SPON2: variants seen among roughly 807,000 people sequenced by gnomAD.
SPON2 encodes the protein spondin-2.
In SPON2, 32 loss-of-function variants were observed where a neutral mutation model predicts 29.9. That is an observed-to-expected ratio of 1.07 (90% CI 0.81 to 1.44). SPON2 has a LOEUF of 1.44. SPON2 is among the 40% of genes most tolerant of loss of function. The pLI is 0.00. For missense variants in SPON2, 541 were observed against 455.5 expected (o/e 1.19, Z -1.71); for synonymous variants, 248 against 209.1 (o/e 1.19, Z -1.61).
At chr4:1,179,145 T>G (rs79908299) in intron 2 of SPON2, among the ~76,000 whole-genome samples, 2,056 of 150,784 alleles carry the variant, frequency 0.014, 40 homozygotes, top group African/African-American at 0.046. Flanking sequence ...CTTCTCTGAC[T>G]TATTTAGCTG....
intron 1 of SPON2, among the ~76,000 whole-genome samples, chr4:1,192,240 C>T (rs560556103): frequency 5.3e-5 from 8 of 152,344 alleles, no homozygotes; most frequent in South Asian, 2.1e-4. Context: ...TCCCTTTCCT[C>T]GTGACCCACA....
chr4:1,199,196 C>A (rs79025626), upstream of SPON2: 1 of 151,916 alleles, frequency 6.6e-6, no homozygotes, highest in Non-Finnish European at 1.5e-5. The surrounding 1 kb of genome is among the most constrained non-coding windows in gnomAD (Gnocchi z 4.5). Context: ...ATCAGGAGTT[C>A]GAGACCAGCC....
chr4:1,167,537 TGGC>T lies in SPON2; in HGVS notation c.928_930del (p.Ala310del), dbSNP rs764960851. On this transcript the variant is annotated inframe_deletion, in exon 6 of 6. Transcript: ENST00000290902. The stretch of plus-strand genomic sequence containing the variant: ...AGCTCGGGGCAGGGGCTCCCGTTGT[TGGC>T]GGGCTGGACCCGGACGTAGCGAGTC... 3 of 1,613,760 alleles carry T rather than the reference TGGC, an allele frequency of 1.9e-6. No homozygotes were observed. The highest frequency in any genetic ancestry group is 2.5e-6 in the Non-Finnish European group (3 of 1,180,002).
chr4:1,201,214 CA>C (rs373942590), intron 1 of SPON2: 5 of 432,752 alleles, frequency 1.2e-5, no homozygotes, highest in African/African-American at 8.0e-5. Context: ...TGGGCAGTGA[CA>C]AAGAGGGGGT....
At chr4:1,196,669 C>G (rs1471601702), upstream of SPON2, among the ~76,000 whole-genome samples, 2 of 152,174 alleles carry the variant, frequency 1.3e-5, no homozygotes, top group Admixed American at 6.5e-5. Context: ...TGTGTGCCAG[C>G]AGAGAGAGCA....
intron 1 of SPON2, chr4:1,172,294 G>T: frequency 5.1e-6 from 3 of 593,532 alleles, no homozygotes; most frequent in Non-Finnish European, 9.0e-6. Context: ...GCGACCAGGG[G>T]TAACGGGCAG....
chr4:1,186,968 G>C (rs943843019), intron 1 of SPON2, among the ~76,000 whole-genome samples: 5 of 152,150 alleles, frequency 3.3e-5, no homozygotes, highest in African/African-American at 1.2e-4. Flanking sequence ...AACACGATAA[G>C]AGTTCCTCAA....
At chr4:1,200,872 C>G (rs1281585350) in intron 1 of SPON2, 2 of 456,702 alleles carry the variant, frequency 4.4e-6, no homozygotes, top group South Asian at 3.1e-5. Context: ...ACCAACCAGG[C>G]CTGACCCTGA....
chr4:1,195,829 C>T (rs907054335), upstream of SPON2, among the ~76,000 whole-genome samples: 1 of 152,030 alleles, frequency 6.6e-6, no homozygotes, highest in African/African-American at 2.4e-5. Context: ...GTAGAGCGGT[C>T]TCGCTGTGTT....
chr4:1,169,160 G>A (rs960963184), intron 5 of SPON2, among the ~76,000 whole-genome samples: 2 of 151,856 alleles, frequency 1.3e-5, no homozygotes, highest in African/African-American at 2.4e-5. Context: ...CACTGGCCAT[G>A]TGCTCCCCTG....
In SPON2 at chr4:1,167,309, C is replaced by T; in HGVS notation, c.*163G>A. ...GGCTGTTTCCCAATGCCCGTGCCGG[C>T]CACCAGAGGGCCCTTCAGTGCAGAG... On this transcript the variant is annotated 3_prime_UTR_variant, in exon 6 of 6. Coordinates refer to ENST00000290902, the MANE Select transcript of SPON2 (RefSeq NM_012445.4). The T allele has an allele frequency of 1.5e-6, 1 of 675,574 alleles. No individual in the cohort carries two copies. Among genetic ancestry groups the T allele is most frequent in the Non-Finnish European group, 2.4e-6 (1 of 423,612 alleles). The allele number at this position is 675,574 out of a possible 1,614,324, so 41.8% of individuals were successfully genotyped here. A position where few individuals can be genotyped will look rare whatever the true frequency, so the allele number is the denominator to read the frequency against.
At chr4:1,182,820 C>T (rs745675335) in intron 1 of SPON2, among the ~76,000 whole-genome samples, 2 of 151,902 alleles carry the variant, frequency 1.3e-5, no homozygotes, top group Non-Finnish European at 2.9e-5. Context: ...ATCTTGAAAG[C>T]AACAAGAGGA....
At chr4:1,193,010 C>T (rs547454700) in intron 1 of SPON2, among the ~76,000 whole-genome samples, 1 of 152,272 alleles carries the variant, frequency 6.6e-6, no homozygotes, top group African/African-American at 2.4e-5. Context: ...CATCTGAGTA[C>T]CCACCAGGCC....
At chr4:1,185,461 A>G (rs1727773690) in intron 1 of SPON2, among the ~76,000 whole-genome samples, 1 of 151,760 alleles carries the variant, frequency 6.6e-6, no homozygotes, top group African/African-American at 2.4e-5. Flanking sequence ...TGATCCCAGC[A>G]CTTTGGGAGG....
intron 1 of SPON2, among the ~76,000 whole-genome samples, chr4:1,193,349 C>T (rs919749770): frequency 6.6e-5 from 10 of 152,064 alleles, no homozygotes; most frequent in East Asian, 5.9e-4. Context: ...TGGGTGTCCC[C>T]GTCACCGGGT....
rs558965930 is a variant in SPON2 at position 1,202,306 on chromosome 4, G to C, written c.-234+5574C>G. On this transcript the variant is annotated intron_variant, in intron 1 of 3. Transcript: ENST00000509233. The surrounding 1 kb of genome is among the most constrained non-coding windows in gnomAD (Gnocchi z 5.4). ...TTTAGTCACAAGGGCTCTGCCTCGT[G>C]AGTGGATCAAACACCTCCCATCAGT... Among the ~76,000 whole-genome samples the C allele has an allele frequency of 6.6e-6, 1 of 152,304 alleles. No homozygotes were observed. The highest frequency in any genetic ancestry group is 2.4e-5 in the African/African-American group (1 of 41,570).
At chr4:1,179,479 G>A (rs570954536) in exon 2 of SPON2, 2 of 152,298 alleles carry the variant, frequency 1.3e-5, no homozygotes, top group South Asian at 4.1e-4. Context: ...TGTCAAGACT[G>A]CAGCAAAAAG....
intron 1 of SPON2, among the ~76,000 whole-genome samples, chr4:1,183,360 G>A (rs924904334): frequency 6.6e-6 from 1 of 152,120 alleles, no homozygotes; most frequent in Non-Finnish European, 1.5e-5. Flanking sequence ...AAGTCCTATA[G>A]GGTGAAATGA....
upstream of SPON2, chr4:1,199,454 T>TA (rs1728144100): frequency 2.0e-5 from 3 of 152,228 alleles, no homozygotes; most frequent in South Asian, 6.2e-4. This position sits in a 1 kb window ranked among gnomAD's most constrained non-coding sequence, Gnocchi z 4.5. Flanking sequence ...ACAAGATAAA[T>TA]ATACAAAAAT....
Sources: allele counts gnomAD v4.1 joint callset (sites outside exome capture counted in the v4.1 genomes callset), GRCh38; gene constraint gnomAD v4.1.1; non-coding constraint Gnocchi (gnomAD v3.1); transcripts MANE v1.5; gene names NCBI Gene and HGNC (gene_info 2026-07-23, HGNC 2026-07-21).